Variants in CACNA2D1 observed in about 807,000 individuals in gnomAD.
CACNA2D1 encodes the protein voltage-dependent calcium channel subunit alpha-2/delta-1.
CACNA2D1 carries 53 observed loss-of-function variants against 171.5 expected under a neutral mutation model. That is an observed-to-expected ratio of 0.31 (90% CI 0.25 to 0.39). The LOEUF (loss-of-function observed/expected upper bound fraction) is 0.39, where lower values mean the gene tolerates loss of function less well. Among genes scored for constraint, CACNA2D1 ranks in the 10% least tolerant of loss-of-function variants. The pLI is 1.00. For synonymous variants in CACNA2D1, 442 were observed against 443.1 expected (o/e 1.00, Z 0.03); for missense variants, 903 against 1,299.8 (o/e 0.69, Z 4.69).
At chr7:81,970,298 G>A (rs1371948011) in intron 27 of CACNA2D1, among the ~76,000 whole-genome samples, 5 of 151,284 alleles carry the variant, frequency 3.3e-5, no homozygotes, top group East Asian at 3.9e-4. Flanking sequence ...GGACTGTTAC[G>A]AAGATAATAG....
At chr7:82,188,123 A>G (rs1477182920) in intron 3 of CACNA2D1, among the ~76,000 whole-genome samples, 1 of 152,168 alleles carries the variant, frequency 6.6e-6, no homozygotes, top group African/African-American at 2.4e-5. Context: ...CTCTGCCCTC[A>G]TAAACTAATC....
chr7:81,974,373 A>T, intron 25 of CACNA2D1, 82 bp downstream of exon 25: 1 of 720,986 alleles, frequency 1.4e-6, no homozygotes, highest in Non-Finnish European at 2.5e-6. Flanking sequence ...AATATAAAGT[A>T]ATATGATTAT....
At chr7:82,264,015 G>A (rs1807485850) in intron 3 of CACNA2D1, among the ~76,000 whole-genome samples, 1 of 151,744 alleles carries the variant, frequency 6.6e-6, no homozygotes, top group Non-Finnish European at 1.5e-5. Flanking sequence ...TTTAAAAATT[G>A]CATTAAGCCC....
intron 18 of CACNA2D1, among the ~76,000 whole-genome samples, chr7:81,997,663 G>T: frequency 7.7e-6 from 1 of 130,350 alleles, no homozygotes; most frequent in African/African-American, 3.4e-5. Context: ...TTTAAAATTT[G>T]TAAAAAAAAA....
chr7:81,981,854 A>G (rs1009041601), intron 24 of CACNA2D1, among the ~76,000 whole-genome samples: 8 of 152,202 alleles, frequency 5.3e-5, no homozygotes, highest in African/African-American at 1.2e-4. Context: ...CTAAAAAGCT[A>G]TGTAAAGCAA....
intron 1 of CACNA2D1, among the ~76,000 whole-genome samples, chr7:82,411,709 T>C (rs989797955): frequency 6.6e-6 from 1 of 151,982 alleles, no homozygotes; most frequent in African/African-American, 2.4e-5. Flanking sequence ...AAGTAGAAAA[T>C]ATCTTGGGGA....
intron 9 of CACNA2D1, among the ~76,000 whole-genome samples, chr7:82,063,260 A>C (rs1807172491): frequency 6.6e-6 from 1 of 152,178 alleles, no homozygotes; most frequent in African/African-American, 2.4e-5. Context: ...ATATTGCATT[A>C]ATATATTGAT....
chr7:82,203,570 G>A (rs1247133186), intron 3 of CACNA2D1, among the ~76,000 whole-genome samples: 5 of 152,144 alleles, frequency 3.3e-5, no homozygotes, highest in African/African-American at 1.2e-4. Context: ...CCACCTTCCA[G>A]GCAGCCAAAC....
intron 10 of CACNA2D1, among the ~76,000 whole-genome samples, chr7:82,048,009 T>G (rs1403457035): frequency 1.3e-5 from 2 of 152,150 alleles, no homozygotes; most frequent in African/African-American, 4.8e-5. Context: ...CATGTAATGG[T>G]AAGCAGAAGT....
chr7:82,257,350 AT>A (rs1457780299), intron 3 of CACNA2D1, among the ~76,000 whole-genome samples: 1 of 152,172 alleles, frequency 6.6e-6, no homozygotes, highest in Non-Finnish European at 1.5e-5. Flanking sequence ...AATCATATAC[AT>A]TACCCCTGTC....
At chr7:82,096,928 T>C (rs1243060471) in intron 6 of CACNA2D1, among the ~76,000 whole-genome samples, 4 of 152,138 alleles carry the variant, frequency 2.6e-5, no homozygotes, top group Non-Finnish European at 4.4e-5. Flanking sequence ...AGAAGACACA[T>C]AGATAAAGCA....
At chr7:82,106,951 G>C (rs4732421) in intron 6 of CACNA2D1, among the ~76,000 whole-genome samples, 78,778 of 152,008 alleles carry the variant, frequency 0.52, 20,911 homozygotes, top group African/African-American at 0.64. Context: ...TTAAAAACTT[G>C]AAGTACTCTT....
intron 3 of CACNA2D1, among the ~76,000 whole-genome samples, chr7:82,185,478 A>G (rs1165814139): frequency 3.5e-4 from 7 of 20,024 alleles, no homozygotes; most frequent in East Asian, 4.6e-3. Context: ...AGAGGGGGGG[A>G]GGGGGAGGAG....
At chr7:82,022,370 AAGGT>A (rs1387897297) in intron 12 of CACNA2D1, among the ~76,000 whole-genome samples, 26 of 151,920 alleles carry the variant, frequency 1.7e-4, no homozygotes, top group Non-Finnish European at 4.4e-5. Context: ...TTTATGAACA[AAGGT>A]AGAGCCCTAT....
At chr7:82,175,862 C>A (rs1796495412) in intron 3 of CACNA2D1, among the ~76,000 whole-genome samples, 1 of 151,884 alleles carries the variant, frequency 6.6e-6, no homozygotes, top group Admixed American at 6.6e-5. Context: ...CAAACATGAA[C>A]CCGTAGAATA....
rs1399487802 is a variant in CACNA2D1, at chr7:81,964,099, C to T, written c.2737G>A (p.Ala913Thr). ...GHRSAYVPSVADILQIGWWAT... is the reference protein window; with the variant it reads ...GHRSAYVPSVTDILQIGWWAT... ...CACCAGCCAATTTGTAATATGTCTG[C>T]TACTGATGGCTATAAAATAAAATAA... The change falls in exon 34 of 39, where the codon GCA becomes ACA. Residue 913 changes from alanine to threonine, a missense_variant. Ala to Thr is a moderately conservative substitution (Grantham distance 58). This residue lies in a region of CACNA2D1 where 623 missense variants were observed against 925.5 expected (regional missense o/e 0.67). Coordinates refer to ENST00000356860, the MANE Select transcript of CACNA2D1 (RefSeq NM_000722.4). The T allele has an allele frequency of 7.4e-6, 12 of 1,611,980 alleles. No individual in the cohort carries two copies. The highest frequency in any genetic ancestry group is 1.0e-5 in the Non-Finnish European group (12 of 1,178,892).
chr7:82,022,785 C>T (rs535645449), intron 12 of CACNA2D1, among the ~76,000 whole-genome samples: 7 of 151,892 alleles, frequency 4.6e-5, no homozygotes, highest in East Asian at 3.9e-4. Context: ...AAAATAAGTA[C>T]GTTAAGAATA....
At chr7:82,381,313 CAAAAAAAAAAA>C (rs11307965) in intron 1 of CACNA2D1, among the ~76,000 whole-genome samples, 3 of 74,624 alleles carry the variant, frequency 4.0e-5, no homozygotes, top group African/African-American at 9.1e-5. Context: ...GACTCTGTCT[CAAAAAAAAAAA>C]AAAAAAAAAA....
chr7:82,043,143 G>A (rs776802411), intron 10 of CACNA2D1, among the ~76,000 whole-genome samples: 5 of 152,162 alleles, frequency 3.3e-5, no homozygotes, highest in Admixed American at 6.5e-5. Flanking sequence ...AGAAGTCAGT[G>A]TAAAATGTTA....
Sources: allele counts gnomAD v4.1 joint callset (sites outside exome capture counted in the v4.1 genomes callset), GRCh38; gene constraint gnomAD v4.1.1; regional missense constraint gnomAD v4.1.1; transcripts MANE v1.5; gene names NCBI Gene and HGNC (gene_info 2026-07-23, HGNC 2026-07-21).